The following DMD variants were observed in gnomAD, a reference collection of about 807,000 sequenced individuals.
The protein encoded by DMD is dystrophin, also known as mutant dystrophin.
Under a neutral mutation model 330.1 loss-of-function variants are expected in DMD, and 63 were observed. That is an observed-to-expected ratio of 0.19 (90% CI 0.16 to 0.24). The LOEUF is 0.24. Among genes scored for constraint, DMD ranks in the 10% least tolerant of loss-of-function variants. The pLI, the probability that DMD is intolerant of heterozygous loss-of-function variation, is 1.00. For missense variants in DMD, 3,344 were observed against 2,684.1 expected, an observed-to-expected ratio of 1.25 and a Z score of -5.43; for synonymous variants, 1,223 against 959.8, an observed-to-expected ratio of 1.27 and a Z score of -5.07.
chrX:33,212,994 A>G (rs1174544443), upstream of DMD, among the ~76,000 whole-genome samples: 1 of 111,406 alleles, frequency 9.0e-6, no homozygotes, highest in Non-Finnish European at 1.9e-5. Flanking sequence ...GTTTTCTACA[A>G]ACATAAACCC....
At chrX:33,088,338 T>C (rs1299980131) in intron 1 of DMD, among the ~76,000 whole-genome samples, 3 of 111,856 alleles carry the variant, frequency 2.7e-5, no homozygotes, top group African/African-American at 9.7e-5. Flanking sequence ...AGCCACTGCA[T>C]CTGGCTTTGA....
chrX:32,518,213 T>TC (rs2046055348), intron 17 of DMD, 82 bp from the exon 18 acceptor site: 2 of 985,452 alleles, frequency 2.0e-6, no homozygotes, highest in African/African-American at 3.8e-5. Context: ...TCCACATTTA[T>TC]CATTCTTTTC....
chrX:32,595,304 G>A (rs773860828), intron 13 of DMD, among the ~76,000 whole-genome samples: 2 of 111,288 alleles, frequency 1.8e-5, no homozygotes, highest in Non-Finnish European at 3.8e-5. Flanking sequence ...TGAGTTCTAC[G>A]GACTGTTTTT....
intron 1 of DMD, among the ~76,000 whole-genome samples, chrX:33,252,681 C>CAAT (rs2052790698): frequency 9.0e-6 from 1 of 110,740 alleles, no homozygotes; most frequent in Non-Finnish European, 1.9e-5. Context: ...TTGCATTTTG[C>CAAT]TATTCACAAG....
chrX:32,427,370 G>C (rs781269235), intron 29 of DMD, among the ~76,000 whole-genome samples: 54 of 110,853 alleles, frequency 4.9e-4, no homozygotes, highest in African/African-American at 1.7e-3. Context: ...TGAAGTTAAG[G>C]GCAAAAGTCT....
chrX:31,160,998 T>A (rs940687053), intron 74 of DMD, among the ~76,000 whole-genome samples: 2 of 111,657 alleles, frequency 1.8e-5, no homozygotes, highest in South Asian at 7.7e-4. Context: ...GCTGGCCATA[T>A]GAAGTGTCCT....
chrX:31,520,928 C>T (rs1238222808), intron 55 of DMD, among the ~76,000 whole-genome samples: 1 of 111,243 alleles, frequency 9.0e-6, no homozygotes, highest in Admixed American at 9.6e-5. Flanking sequence ...ATCTGCCCAC[C>T]TCAGCCTCCC....
chrX:31,694,762 A>G (rs1273204271), intron 52 of DMD, among the ~76,000 whole-genome samples: 1 of 107,530 alleles, frequency 9.3e-6, no homozygotes, highest in Non-Finnish European at 1.9e-5. Context: ...CAAAAAGTTG[A>G]AAGATAACAA....
intron 7 of DMD, chrX:32,756,017 T>G (rs1226745452): frequency 8.9e-6 from 1 of 112,717 alleles, no homozygotes; most frequent in African/African-American, 3.2e-5. Flanking sequence ...ACAGAAAGTC[T>G]ATTCAATAAT....
chrX:31,480,680 G>A (rs2149263909), intron 57 of DMD, among the ~76,000 whole-genome samples: 1 of 108,046 alleles, frequency 9.3e-6, no homozygotes, highest in African/African-American at 3.4e-5. Context: ...TAGTTTCTCT[G>A]TTTGGACCTG....
chrX:31,867,815 C>A (rs1157937030), intron 48 of DMD, among the ~76,000 whole-genome samples: 1 of 110,875 alleles, frequency 9.0e-6, no homozygotes, highest in African/African-American at 3.3e-5. Context: ...AATATTATGT[C>A]ATCAGTCCTA....
At position 32,284,872 on chromosome X, in the gene DMD, A is replaced by G. The variant is rs1394236607; in HGVS notation, c.6290+2657T>C. On this transcript the variant is annotated intron_variant, in intron 43 of 78. Coordinates refer to ENST00000357033, the MANE Select transcript of DMD (RefSeq NM_004006.3). The stretch of plus-strand genomic sequence containing the variant: ...ATGGAAGTACAATTTCAACCTCTGG[A>G]TAAGGACAGGGTGGATCTATTGGGG... Among the ~76,000 whole-genome samples, 3 of 112,144 alleles carry G rather than the reference A, an allele frequency of 2.7e-5. No homozygotes were observed. The Admixed American group carries it at 2.9e-4, about 11-fold the overall frequency.
intron 1 of DMD, chrX:33,129,135 T>C (rs1417483789): frequency 1.8e-5 from 2 of 110,956 alleles, no homozygotes; most frequent in Non-Finnish European, 3.8e-5. Context: ...TTGAAGTGGA[T>C]TTTCAGATTA....
chrX:32,864,470 T>A (rs1395352681), intron 2 of DMD, among the ~76,000 whole-genome samples: 4 of 112,451 alleles, frequency 3.6e-5, no homozygotes, highest in Admixed American at 9.5e-5. Context: ...ACAAAGATAG[T>A]TTAATATATC....
At chrX:32,130,097 G>A (rs1050230922) in intron 44 of DMD, among the ~76,000 whole-genome samples, 6 of 109,067 alleles carry the variant, frequency 5.5e-5, no homozygotes, top group African/African-American at 2.0e-4. Context: ...GGTCAGGGAC[G>A]TCTTTACCAA....
intron 61 of DMD, among the ~76,000 whole-genome samples, chrX:31,326,156 G>A (rs1003786250): frequency 2.3e-4 from 25 of 110,422 alleles, no homozygotes; most frequent in African/African-American, 8.2e-4. Context: ...TCTAAGCAGC[G>A]AGAGACAGAG....
At chrX:31,152,454 G>A (rs371502918) in intron 74 of DMD, among the ~76,000 whole-genome samples, 1 of 111,927 alleles carries the variant, frequency 8.9e-6, no homozygotes, top group Non-Finnish European at 1.9e-5. Context: ...GTGAGCCACT[G>A]CACCTGGTCT....
chrX:33,295,060 G>A (rs904275540), intron 1 of DMD, among the ~76,000 whole-genome samples: 2 of 111,365 alleles, frequency 1.8e-5, no homozygotes, highest in Non-Finnish European at 3.8e-5. Flanking sequence ...TATGGATTGT[G>A]AAAGCTGAAT....
intron 6 of DMD, among the ~76,000 whole-genome samples, chrX:32,813,282 C>T (rs2077501631): frequency 9.0e-6 from 1 of 111,494 alleles, no homozygotes; most frequent in African/African-American, 3.3e-5. Flanking sequence ...TAAAACTAAC[C>T]AACTATGAAG....
Sources: allele counts gnomAD v4.1 joint callset (sites outside exome capture counted in the v4.1 genomes callset), GRCh38; gene constraint gnomAD v4.1.1; transcripts MANE v1.5; gene names NCBI Gene and HGNC (gene_info 2026-07-23, HGNC 2026-07-21).